TANK: variants seen among roughly 807,000 people sequenced by gnomAD.
TANK encodes the protein TRAF family member associated NFKB activator.
In TANK, 15 loss-of-function variants were observed where a neutral mutation model predicts 43.6. The observed-to-expected ratio is 0.34, with a 90% confidence interval of 0.23 to 0.53. The LOEUF (loss-of-function observed/expected upper bound fraction) is 0.53. Ranked by LOEUF, TANK falls within the 20% of genes least tolerant of loss-of-function variation. The pLI is 0.94. For synonymous variants in TANK, 162 were observed against 178.2 expected, an observed-to-expected ratio of 0.91 and a Z score of 0.73; for missense variants, 417 against 498.6, an observed-to-expected ratio of 0.84 and a Z score of 1.56.
At chr2:161,216,528 C>A in intron 4 of TANK, 2 of 394,168 alleles carry the variant, frequency 5.1e-6, no homozygotes, top group South Asian at 1.9e-5. Context: ...TGTTCATTCC[C>A]CTTTGACATG....
chr2:161,156,100 T>C (rs1684219090), upstream of TANK: 1 of 985,356 alleles, frequency 1.0e-6, no homozygotes, highest in Non-Finnish European at 1.2e-6. Context: ...GCTTCTGATA[T>C]ATCTGTGGTT....
chr2:161,173,243 C>T (rs947416342), intron 1 of TANK, among the ~76,000 whole-genome samples: 1 of 152,142 alleles, frequency 6.6e-6, no homozygotes, highest in African/African-American at 2.4e-5. Context: ...CTTATCATGG[C>T]ACCCTCACCT....
chr2:161,213,920 T>C (rs2105364491), intron 4 of TANK, among the ~76,000 whole-genome samples: 1 of 152,318 alleles, frequency 6.6e-6, no homozygotes, highest in Admixed American at 6.5e-5. Context: ...ATCTTGTACT[T>C]TGAGTATGTC....
chr2:161,184,508 ACCTCAATTTTT>A (rs1685570374), intron 2 of TANK, among the ~76,000 whole-genome samples: 1 of 152,194 alleles, frequency 6.6e-6, no homozygotes, highest in Non-Finnish European at 1.5e-5. Context: ...TATATATTAT[ACCTCAATTTTT>A]TAAAAAAGTG....
chr2:161,172,374 TGGGGG>T (rs1684989335), intron 1 of TANK, among the ~76,000 whole-genome samples: 1 of 131,234 alleles, frequency 7.6e-6, no homozygotes, highest in African/African-American at 2.7e-5. Context: ...TTTTTTTTTT[TGGGGG>T]TAAAACGATT....
At chr2:161,160,820 G>A (rs1430667956) in intron 1 of TANK, 8 of 536,828 alleles carry the variant, frequency 1.5e-5, no homozygotes, top group Non-Finnish European at 3.0e-5. Context: ...CTGCGGTGTC[G>A]AGGTGAGCAG....
intron 1 of TANK, among the ~76,000 whole-genome samples, chr2:161,153,841 C>T (rs940821376): frequency 2.6e-5 from 4 of 152,078 alleles, no homozygotes; most frequent in Admixed American, 2.6e-4. Context: ...CGACCTTTGA[C>T]AGGAAAAGAA....
Position 161,235,525 on chromosome 2 carries a change from T to C in TANK, c.*7T>C. 1 of 1,606,792 alleles carries C rather than the reference T, an allele frequency of 6.2e-7. No homozygotes were observed. Among genetic ancestry groups the C allele is most frequent in the Non-Finnish European group, 8.5e-7 (1 of 1,176,714 alleles). On this transcript the variant is annotated 3_prime_UTR_variant, in exon 8 of 8. Transcript: ENST00000392749. ...CTTCAATGGAGAGACTTAAGACACA[T>C]TTGAAAACAGACATATCAAGTTCTA...
intron 2 of TANK, among the ~76,000 whole-genome samples, chr2:161,192,419 T>C (rs1685957225): frequency 6.6e-6 from 1 of 152,336 alleles, no homozygotes; most frequent in Non-Finnish European, 1.5e-5. Flanking sequence ...GTCCTGCTAC[T>C]GATCACGAAG....
At chr2:161,193,562 A>C (rs561933750) in intron 2 of TANK, among the ~76,000 whole-genome samples, 1 of 152,310 alleles carries the variant, frequency 6.6e-6, no homozygotes, top group East Asian at 1.9e-4. Flanking sequence ...TTTATTTAAA[A>C]ATAAATAAAT....
intron 1 of TANK, 118 bp downstream of exon 1, chr2:161,160,604 C>G (rs1684373125): frequency 1.2e-6 from 1 of 843,528 alleles, no homozygotes. Flanking sequence ...GGAGAGAAGC[C>G]GAGGAGCAGC....
intron 4 of TANK, among the ~76,000 whole-genome samples, chr2:161,220,797 A>G (rs868511619): frequency 3.9e-5 from 6 of 152,226 alleles, no homozygotes; most frequent in East Asian, 1.9e-4. Flanking sequence ...AGGAAAATGT[A>G]CATTTCTTTC....
chr2:161,207,751 C>T (rs1686711445), intron 4 of TANK: 8 of 985,280 alleles, frequency 8.1e-6, no homozygotes, highest in Non-Finnish European at 9.6e-6. Flanking sequence ...TCCTAAAGAA[C>T]TCTGAATATA....
Position 161,231,515 on chromosome 2 carries a change from C to T in TANK, c.1065C>T (p.Leu355=), listed in dbSNP as rs763856499. 13 of 1,612,900 alleles carry T rather than the reference C, an allele frequency of 8.1e-6. No individual in the cohort carries two copies. Among genetic ancestry groups the T allele is most frequent in the East Asian group, 6.7e-5 (3 of 44,900 alleles). The change falls in exon 7 of 8, where the codon CTC becomes CTT. Residue 355 remains leucine (L), a synonymous_variant. Transcript: ENST00000392749. The stretch of plus-strand genomic sequence containing the variant: ...CATCTGATGCACCTTTTCCCTCACT[C>T]GATTCCCCGGGAAAAGCAATCCGAG... ...LDPSDAPFPS[L]DSPGKAIRGP...
At chr2:161,204,027 A>G (rs564782398) in intron 3 of TANK, among the ~76,000 whole-genome samples, 1 of 152,314 alleles carries the variant, frequency 6.6e-6, no homozygotes, top group East Asian at 1.9e-4. Flanking sequence ...ACTGATCTAT[A>G]TGAATAGCTA....
At chr2:161,232,012 A>G (rs544025319) in intron 7 of TANK, among the ~76,000 whole-genome samples, 74 of 152,346 alleles carry the variant, frequency 4.9e-4, no homozygotes, top group African/African-American at 1.7e-3. Flanking sequence ...ACTATCTTTC[A>G]GTGAATACTT....
intron 2 of TANK, among the ~76,000 whole-genome samples, chr2:161,194,839 T>G (rs936625767): frequency 6.7e-6 from 1 of 150,036 alleles, no homozygotes; most frequent in Non-Finnish European, 1.5e-5. Context: ...TGTTTACCAC[T>G]CTTTTTTTTA....
intron 2 of TANK, among the ~76,000 whole-genome samples, chr2:161,198,263 G>A (rs1225350518): frequency 2.0e-5 from 3 of 152,220 alleles, no homozygotes; most frequent in Non-Finnish European, 2.9e-5. Flanking sequence ...AAAAAACTCA[G>A]TAGGGCAAAC....
intron 4 of TANK, chr2:161,207,267 C>G (rs915713367): frequency 6.1e-6 from 2 of 330,308 alleles, no homozygotes; most frequent in Non-Finnish European, 8.6e-6. Flanking sequence ...TCAATTATAA[C>G]TATATTTTTG....
Sources: gnomAD v4.1 joint callset for allele counts (sites outside exome capture counted in the v4.1 genomes callset) on GRCh38, gnomAD v4.1.1 for gene constraint, MANE v1.5 for transcripts, NCBI Gene and HGNC (gene_info 2026-07-23, HGNC 2026-07-21) for gene names.